The following IZUMO1R variants were observed in gnomAD, a reference collection of about 807,000 sequenced individuals.
The protein encoded by IZUMO1R is IZUMO1 receptor, JUNO.
IZUMO1R carries 24 observed loss-of-function variants against 22.1 expected under a neutral mutation model. That is an observed-to-expected ratio of 1.09 (90% confidence interval 0.79 to 1.53). The LOEUF is 1.53. Among genes scored for constraint, IZUMO1R ranks in the 40% most tolerant of loss-of-function variants. The pLI, the probability that IZUMO1R is intolerant of heterozygous loss-of-function variation, is 0.00. For synonymous variants in IZUMO1R, 133 were observed against 121.2 expected (o/e 1.10, Z -0.64); for missense variants, 308 against 314.9 (o/e 0.98, Z 0.17).
In IZUMO1R at chr11:94,306,395, G is replaced by A. The variant is rs183637729; in HGVS notation, c.139-118G>A. 6.2e-3 allele frequency: 5,558 copies of A among 890,666 alleles called. 39 individuals are homozygous for A. The highest frequency in any genetic ancestry group is 0.012 in the Middle Eastern group (41 of 3,398). The allele number at this position is 890,666 out of a possible 1,614,324, so 55.2% of individuals were successfully genotyped here. A position where few individuals can be genotyped will look rare whatever the true frequency, so the allele number is the denominator to read the frequency against. The stretch of plus-strand genomic sequence containing the variant: ...TTATGTAGGGGCTTACTAGCTAAAG[G>A]CATCCCACTTGCTCAGGCCTCCTAA... On this transcript the variant is annotated intron_variant, in intron 2 of 4. Coordinates refer to ENST00000687084, the MANE Select transcript of IZUMO1R (RefSeq NM_001199206.4).
rs1944029378 is a variant in IZUMO1R, at chr11:94,307,143, C to A, written c.349-22C>A. ...ACATCTCTGCTATTAATGTTCTAATCTCTGGCTATGACTGCACCCAGGTGG... is the reference window on the plus strand; with the variant it reads ...ACATCTCTGCTATTAATGTTCTAATATCTGGCTATGACTGCACCCAGGTGG... On this transcript the variant is annotated intron_variant, in intron 3 of 4. Coordinates refer to ENST00000687084, the MANE Select transcript of IZUMO1R (RefSeq NM_001199206.4). 2.5e-6 allele frequency: 4 copies of A among 1,579,302 alleles called. No homozygotes were observed. In the East Asian group the frequency reaches 6.9e-5, roughly 27 times the overall value.
chr11:94,306,759 T>A, intron 3 of IZUMO1R, 37 bp downstream of exon 3: 1 of 1,581,050 alleles, frequency 6.3e-7, no homozygotes, highest in Non-Finnish European at 8.7e-7. Flanking sequence ...TGTTATTATA[T>A]TAACAGCCAG....
rs541327057 is a variant in IZUMO1R, at chr11:94,307,445, G to A, written c.506G>A (p.Gly169Glu). The change falls in exon 5 of 5, where the codon GGG (glycine) becomes GAG (glutamate). Residue 169 changes from glycine (G) to glutamate (E), a missense_variant. By Grantham distance (98) the Gly-to-Glu change is moderately conservative. Coordinates refer to ENST00000687084, the MANE Select transcript of IZUMO1R (RefSeq NM_001199206.4). ...GCAGGGAAGAACCGCTGCCCCAAAG[G>A]GGCCCAGTGCCTCCCTTTCTCCCAT... is the stretch of plus-strand genomic sequence containing the variant. ...WSQGKNRCPKGAQCLPFSHYF... is the reference protein window; with the variant it reads ...WSQGKNRCPKEAQCLPFSHYF... 1.7e-4 allele frequency: 274 copies of A among 1,613,886 alleles called. 3 individuals are homozygous for A. The South Asian group carries it at 2.7e-3, about 16-fold the overall frequency.
intron 2 of IZUMO1R, among the ~76,000 whole-genome samples, chr11:94,306,237 G>T (rs533734657): frequency 6.6e-6 from 1 of 152,032 alleles, no homozygotes; most frequent in African/African-American, 2.4e-5. Context: ...GCCCTAAAAG[G>T]CTTCTGCTGC....
Position 94,307,811 on chromosome 11 carries a change from C to T in IZUMO1R, c.*119C>T. On this transcript the variant is annotated 3_prime_UTR_variant, in exon 5 of 5. Coordinates refer to ENST00000687084, the MANE Select transcript of IZUMO1R (RefSeq NM_001199206.4). ...AAGCAGTGGCATGGGCTAGGGACTG[C>T]AGTCCCACCCAGTCTAGCCCATGCC... The T allele has an allele frequency of 5.0e-6, 2 of 399,590 alleles. No homozygotes were observed. The highest frequency in any genetic ancestry group is 7.8e-6 in the Non-Finnish European group (2 of 257,926). The allele number at this position is 399,590 out of a possible 1,614,324, so 24.8% of individuals were successfully genotyped here. A position where few individuals can be genotyped will look rare whatever the true frequency, so the allele number is the denominator to read the frequency against.
At chr11:94,306,198 G>T (rs1002138360) in intron 2 of IZUMO1R, among the ~76,000 whole-genome samples, 5 of 151,938 alleles carry the variant, frequency 3.3e-5, no homozygotes, top group African/African-American at 1.2e-4. Flanking sequence ...GATTCCCCTG[G>T]GTCTCTCTGG....
chr11:94,307,195 G>A lies in IZUMO1R; in HGVS notation c.379G>A (p.Val127Met). The A allele has an allele frequency of 6.2e-7, 1 of 1,602,354 alleles. No individual in the cohort carries two copies. Among genetic ancestry groups the A allele is most frequent in the Admixed American group, 1.7e-5 (1 of 57,856 alleles). ...VAPSGQGERV[V>M]NVPLCQEDCE... is the part of the protein sequence containing the mutation. ...CCCGAGTGGGCAGGGAGAGCGAGTT[G>A]TGAATGTGCCGCTGTGCCAGGAGGA... is the stretch of plus-strand genomic sequence containing the variant. Residue 127 changes from valine to methionine, a missense_variant, in exon 4 of 5, where the codon GTG (valine) becomes ATG (methionine). Coordinates refer to ENST00000687084, the MANE Select transcript of IZUMO1R (RefSeq NM_001199206.4).
chr11:94,304,884 G>A lies in IZUMO1R; in HGVS notation c.-7+5G>A, dbSNP rs1943998665. On this transcript the variant is annotated splice_donor_5th_base_variant and intron_variant, in intron 1 of 4. Transcript: ENST00000687084. ...CTGAAGGCTCCTGCCTTGAAAGTGA[G>A]TATGAAGAGAGTGCTGGAAGGGGCA... is the stretch of plus-strand genomic sequence containing the variant. Among the ~76,000 whole-genome samples the A allele has an allele frequency of 6.6e-6, 1 of 152,174 alleles. No homozygotes were observed. The highest frequency in any genetic ancestry group is 1.5e-5 in the Non-Finnish European group (1 of 68,026).
rs760700969 is a variant in IZUMO1R at position 94,307,174 on chromosome 11, A to T, written c.358A>T (p.Ser120Cys). The change falls in exon 4 of 5, where the codon AGT becomes TGT. Residue 120 changes from serine (S) to cysteine (C), a missense_variant. Transcript: ENST00000687084. ...VGSLGWEVAP[S>C]GQGERVVNVP... The stretch of plus-strand genomic sequence containing the variant: ...CTATGACTGCACCCAGGTGGCCCCG[A>T]GTGGGCAGGGAGAGCGAGTTGTGAA... The T allele has an allele frequency of 1.9e-6, 3 of 1,597,176 alleles. No individual in the cohort carries two copies. The Admixed American group carries it at 5.3e-5, about 28-fold the overall frequency.
intron 2 of IZUMO1R, 136 bp downstream of exon 2, chr11:94,305,910 A>C (rs560640142): frequency 4.2e-6 from 4 of 948,216 alleles, no homozygotes; most frequent in African/African-American, 3.4e-5. Flanking sequence ...ACTAGATGGA[A>C]AGAGACTATG....
intron 3 of IZUMO1R, 56 bp downstream of exon 3, chr11:94,306,778 C>A: frequency 2.6e-6 from 4 of 1,544,496 alleles, no homozygotes; most frequent in South Asian, 1.1e-5. Flanking sequence ...AGAGCTTTCA[C>A]CCGATCTTAT....
chr11:94,305,714 C>G lies in IZUMO1R; in HGVS notation c.78C>G (p.Ile26Met), dbSNP rs373219675. Reference protein sequence around the residue: ...PTWAGDELLNICMNAKHHKRV... With the variant: ...PTWAGDELLNMCMNAKHHKRV... ...GGGCTGGGGACGAGCTGCTCAACAT[C>G]TGCATGAATGCCAAACACCACAAGA... Residue 26 changes from isoleucine (I) to methionine (M), a missense_variant, in exon 2 of 5, where the codon ATC (isoleucine) becomes ATG (methionine). Coordinates refer to ENST00000687084, the MANE Select transcript of IZUMO1R (RefSeq NM_001199206.4). 1 of 1,613,480 alleles carries G rather than the reference C, an allele frequency of 6.2e-7. No individual in the cohort carries two copies. Among genetic ancestry groups the G allele is most frequent in the Non-Finnish European group, 8.5e-7 (1 of 1,179,802 alleles).
At chr11:94,305,120 T>C (rs1233858094) in intron 1 of IZUMO1R, among the ~76,000 whole-genome samples, 1 of 152,038 alleles carries the variant, frequency 6.6e-6, no homozygotes, top group African/African-American at 2.4e-5. Context: ...CCATGATGGG[T>C]CCAGGTCAGG....
rs970151449 is a variant in IZUMO1R, at chr11:94,304,628, T to C, written c.-258T>C. Reference sequence around the variant, plus strand: ...GCTGACAGCCGAACCCGGTAACTTATTGTAGAGCCCCGGATCTTGCCTACG... The same window carrying C: ...GCTGACAGCCGAACCCGGTAACTTACTGTAGAGCCCCGGATCTTGCCTACG... On this transcript the variant is annotated 5_prime_UTR_variant, in exon 1 of 5. Coordinates refer to ENST00000687084, the MANE Select transcript of IZUMO1R (RefSeq NM_001199206.4). Among the ~76,000 whole-genome samples the C allele has an allele frequency of 6.6e-6, 1 of 152,140 alleles. No individual in the cohort carries two copies. Among genetic ancestry groups the C allele is most frequent in the South Asian group, 2.1e-4 (1 of 4,820 alleles).
rs1944009467 is a variant in IZUMO1R, at chr11:94,305,670, T to C, written c.34T>C (p.Trp12Arg). 1 of 1,613,168 alleles carries C rather than the reference T, an allele frequency of 6.2e-7. No homozygotes were observed. ...CTGGTGGCCGCTCCTGCTAGAGCTG[T>C]GGACAGTCATGCCCACCTGGGCTGG... Reference protein sequence around the residue: ...ACWWPLLLELWTVMPTWAGDE... With the variant: ...ACWWPLLLELRTVMPTWAGDE... Residue 12 changes from tryptophan to arginine, a missense_variant, in exon 2 of 5, where the codon TGG becomes CGG. Transcript: ENST00000687084.
intron 3 of IZUMO1R, 122 bp downstream of exon 3, chr11:94,306,844 G>A (rs1319854827): frequency 7.7e-6 from 8 of 1,033,084 alleles, no homozygotes; most frequent in Non-Finnish European, 1.0e-5. Context: ...CTATGGACAA[G>A]AGCAGAGCCA....
chr11:94,306,472 C>A (rs1002398356), intron 2 of IZUMO1R, 41 bp from the exon 3 acceptor site: 2 of 1,579,280 alleles, frequency 1.3e-6, no homozygotes, highest in Non-Finnish European at 1.7e-6. Flanking sequence ...CCGATCCTTG[C>A]CCCTTTTGCC....
At chr11:94,307,018 C>T (rs1165317994) in intron 3 of IZUMO1R, 147 bp from the exon 4 acceptor site, 1 of 1,005,282 alleles carries the variant, frequency 9.9e-7, no homozygotes, top group African/African-American at 1.6e-5. Flanking sequence ...ATCTCTTAGC[C>T]TCATTGGTAT....
rs865848791 is a variant in IZUMO1R, at chr11:94,307,610, GC to G, written c.673del (p.Leu225SerfsTer64). The G allele has an allele frequency of 1.2e-5, 19 of 1,613,812 alleles. No homozygotes were observed. The highest frequency in any genetic ancestry group is 1.6e-5 in the Non-Finnish European group (19 of 1,179,822). On this transcript the variant is annotated frameshift_variant, in exon 5 of 5. Transcript: ENST00000687084. LOFTEE classifies it low-confidence loss of function (END_TRUNC). The part of the protein sequence containing the change: ...AQGNPNVAVA[R>X]LFASSAPSWE... ...GGCAACCCCAATGTGGCCGTGGCCC[GC>G]CTCTTCGCCAGCTCTGCCCCATCCT...
Sources: allele counts gnomAD v4.1 joint callset (sites outside exome capture counted in the v4.1 genomes callset), GRCh38; gene constraint gnomAD v4.1.1; transcripts MANE v1.5; gene names NCBI Gene and HGNC (gene_info 2026-07-23, HGNC 2026-07-21).